Variants in ATP13A4 observed in about 807,000 individuals in gnomAD.
ATP13A4 encodes the protein ATPase 13A4, also known as probable cation-transporting ATPase 13A4.
In ATP13A4, 114 loss-of-function variants were observed where a neutral mutation model predicts 142.5. The observed-to-expected ratio is 0.80, with a 90% confidence interval of 0.69 to 0.93. The LOEUF is 0.93. Ranked by LOEUF, ATP13A4 falls within the 40% of genes least tolerant of loss-of-function variation. The probability of loss-of-function intolerance (pLI) is 0.00; values close to 1 mark genes in which losing one functional copy is unlikely to be tolerated. For missense variants in ATP13A4, 1,392 were observed against 1,454.0 expected (o/e 0.96, Z 0.69); for synonymous variants, 488 against 514.8 (o/e 0.95, Z 0.70).
At chr3:193,515,678 A>T (rs763101987) in intron 1 of ATP13A4, among the ~76,000 whole-genome samples, 10 of 152,344 alleles carry the variant, frequency 6.6e-5, no homozygotes, top group East Asian at 3.9e-4. Flanking sequence ...CTCACCTCTA[A>T]TAAATATATA....
At chr3:193,445,203 C>T (rs1393285852) in intron 18 of ATP13A4, among the ~76,000 whole-genome samples, 2 of 151,900 alleles carry the variant, frequency 1.3e-5, no homozygotes, top group South Asian at 2.1e-4. Flanking sequence ...TTTGGGAGGC[C>T]GAGGCACACA....
chr3:193,543,663 C>T (rs543108649), intron 1 of ATP13A4, among the ~76,000 whole-genome samples: 1 of 152,164 alleles, frequency 6.6e-6, no homozygotes, highest in Non-Finnish European at 1.5e-5. Flanking sequence ...GAACATCACA[C>T]TCCCCCTAAC....
chr3:193,528,157 A>G (rs1410548077), intron 1 of ATP13A4, among the ~76,000 whole-genome samples: 1 of 152,182 alleles, frequency 6.6e-6, no homozygotes, highest in African/African-American at 2.4e-5. Flanking sequence ...CCTGCTTAAG[A>G]ACTGTCAGAG....
At chr3:193,504,946 G>T (rs545218858) in intron 2 of ATP13A4, among the ~76,000 whole-genome samples, 8 of 152,166 alleles carry the variant, frequency 5.3e-5, no homozygotes, top group African/African-American at 1.9e-4. Context: ...TAGAAATTTT[G>T]TTATGTTATC....
chr3:193,582,607 ATG>A (rs1280688144), intron 1 of ATP13A4, among the ~76,000 whole-genome samples: 1 of 117,518 alleles, frequency 8.5e-6, no homozygotes, highest in Non-Finnish European at 1.6e-5. Flanking sequence ...TGTATATTAC[ATG>A]TATATTATAT....
chr3:193,521,542 G>T (rs563903435), intron 1 of ATP13A4, among the ~76,000 whole-genome samples: 71 of 152,184 alleles, frequency 4.7e-4, no homozygotes, highest in Non-Finnish European at 8.2e-4. Context: ...ATCGTGTATG[G>T]TTAGATAACA....
chr3:193,490,274 C>T (rs1719874946), intron 6 of ATP13A4, among the ~76,000 whole-genome samples: 1 of 152,160 alleles, frequency 6.6e-6, no homozygotes, highest in African/African-American at 2.4e-5. Context: ...ACATGTCGGC[C>T]ATCACAATAG....
chr3:193,433,316 C>G (rs1007503696), intron 25 of ATP13A4, among the ~76,000 whole-genome samples: 22 of 151,846 alleles, frequency 1.4e-4, no homozygotes, highest in Admixed American at 1.2e-3. Context: ...CTAAGACAGC[C>G]CTAAAAAAGA....
intron 20 of ATP13A4, 103 bp from the exon 21 acceptor site, chr3:193,440,740 G>GA: frequency 1.6e-6 from 2 of 1,241,886 alleles, no homozygotes; most frequent in Admixed American, 2.2e-5. Context: ...CACTTACGAT[G>GA]AAGAAAAAAA....
intron 25 of ATP13A4, among the ~76,000 whole-genome samples, chr3:193,418,189 C>T (rs1290164626): frequency 7.7e-6 from 1 of 129,078 alleles, no homozygotes; most frequent in Non-Finnish European, 1.6e-5. Flanking sequence ...AGGTGGCGGG[C>T]ACCTGTAGTC....
At chr3:193,458,362 C>T (rs770091247) in intron 14 of ATP13A4, among the ~76,000 whole-genome samples, 46 of 152,148 alleles carry the variant, frequency 3.0e-4, no homozygotes, top group Non-Finnish European at 4.9e-4. Context: ...TTTCCTTTTA[C>T]GAGAAGATTC....
At chr3:193,428,965 A>G (rs541919171) in intron 25 of ATP13A4, among the ~76,000 whole-genome samples, 1 of 152,156 alleles carries the variant, frequency 6.6e-6, no homozygotes, top group African/African-American at 2.4e-5. Context: ...AACCCAGAAG[A>G]CAAAAATTCA....
At chr3:193,468,282 G>A (rs965767282) in intron 9 of ATP13A4, among the ~76,000 whole-genome samples, 3 of 152,332 alleles carry the variant, frequency 2.0e-5, no homozygotes, top group Admixed American at 2.0e-4. Flanking sequence ...TCATATTTAT[G>A]TATAAGAGAG....
chr3:193,539,717 G>A (rs1002142518), intron 1 of ATP13A4, among the ~76,000 whole-genome samples: 1 of 152,222 alleles, frequency 6.6e-6, no homozygotes, highest in Non-Finnish European at 1.5e-5. Context: ...CTTTGCACCT[G>A]TAGTGATAGT....
chr3:193,442,284 T>A (rs1560189771), intron 19 of ATP13A4, 109 bp downstream of exon 19: 7 of 1,194,512 alleles, frequency 5.9e-6, no homozygotes, highest in Non-Finnish European at 7.3e-6. Flanking sequence ...TTCAAAAGCA[T>A]GAATGCTAGA....
chr3:193,451,451 C>T (rs1282053546), intron 17 of ATP13A4, among the ~76,000 whole-genome samples: 1 of 152,172 alleles, frequency 6.6e-6, no homozygotes, highest in Non-Finnish European at 1.5e-5. Flanking sequence ...GTGAGCATGA[C>T]TAAATCACTC....
At chr3:193,535,099 CCT>C in intron 1 of ATP13A4, among the ~76,000 whole-genome samples, 1 of 152,158 alleles carries the variant, frequency 6.6e-6, no homozygotes, top group Middle Eastern at 3.4e-3. Context: ...GACCTCAACA[CCT>C]CTCTCTCAAT....
At chr3:193,489,009 T>C (rs190673610) in intron 7 of ATP13A4, among the ~76,000 whole-genome samples, 158 of 152,138 alleles carry the variant, frequency 1.0e-3, no homozygotes, top group African/African-American at 3.7e-3. Context: ...ACTCGGAAAG[T>C]GGGGAGTTGG....
At chr3:193,551,991 T>A (rs1723602151) in intron 1 of ATP13A4, among the ~76,000 whole-genome samples, 1 of 152,312 alleles carries the variant, frequency 6.6e-6, no homozygotes, top group African/African-American at 2.4e-5. Context: ...TTACTTATTT[T>A]TGAGACAGAG....
Sources: gnomAD v4.1 joint callset for allele counts (sites outside exome capture counted in the v4.1 genomes callset) on GRCh38, gnomAD v4.1.1 for gene constraint, MANE v1.5 for transcripts, NCBI Gene and HGNC (gene_info 2026-07-23, HGNC 2026-07-21) for gene names.